UBE2W: variants seen among roughly 807,000 people sequenced by gnomAD.
UBE2W encodes ubiquitin conjugating enzyme E2 W.
UBE2W carries 18 observed loss-of-function variants against 27.2 expected under a neutral mutation model. That is an observed-to-expected ratio of 0.66 (90% CI 0.46 to 0.98). The LOEUF is 0.98. UBE2W is among the 50% of genes least tolerant of loss of function. The pLI is 0.00. For synonymous variants in UBE2W, 53 were observed against 57.2 expected (o/e 0.93, Z 0.33); for missense variants, 90 against 180.2 (o/e 0.50, Z 2.87).
intron 1 of UBE2W, among the ~76,000 whole-genome samples, chr8:73,877,272 G>T (rs1056328852): frequency 3.3e-5 from 5 of 151,938 alleles, no homozygotes; most frequent in African/African-American, 1.2e-4. Context: ...TTCCTTTTTT[G>T]GCCTCAAATG....
intron 1 of UBE2W, among the ~76,000 whole-genome samples, chr8:73,868,092 C>T (rs71500509): frequency 0.099 from 15,059 of 152,250 alleles, 796 homozygotes; most frequent in Middle Eastern, 0.17. Context: ...AATACCATGA[C>T]TGGTGGCTGG....
chr8:73,836,547 T>C (rs1810314496), intron 1 of UBE2W, among the ~76,000 whole-genome samples: 2 of 152,196 alleles, frequency 1.3e-5, no homozygotes, highest in African/African-American at 4.8e-5. Context: ...AAACTAGTTC[T>C]AAGTTTCCCA....
chr8:73,854,924 T>C (rs970254442), intron 1 of UBE2W, among the ~76,000 whole-genome samples: 1 of 152,148 alleles, frequency 6.6e-6, no homozygotes, highest in African/African-American at 2.4e-5. Context: ...GTTAAGAAAA[T>C]CGTAAGGAAG....
chr8:73,840,027 G>T (rs1003751396), intron 1 of UBE2W, among the ~76,000 whole-genome samples: 1 of 149,892 alleles, frequency 6.7e-6, no homozygotes, highest in Non-Finnish European at 1.5e-5. Context: ...TTGAGCCACC[G>T]TGCCTGGCCA....
rs1417868104 is a variant in UBE2W, at chr8:73,788,612, G to GT, written c.*5489dup. 21 of 985,266 alleles carry GT rather than the reference G, an allele frequency of 2.1e-5. No homozygotes were observed. The highest frequency in any genetic ancestry group is 2.5e-5 in the Non-Finnish European group (21 of 829,920). 61.0% of individuals were successfully genotyped at this position (985,266 alleles called of 1,614,324 possible). A position where few individuals can be genotyped will look rare whatever the true frequency, so the allele number is the denominator to read the frequency against. The stretch of plus-strand genomic sequence containing the variant: ...TATGGTAGATTTCAGGCTTTAAATT[G>GT]TAAGTTTCAGGCTTCAAAAGAGGCA... On this transcript the variant is annotated 3_prime_UTR_variant, in exon 6 of 6. Coordinates refer to ENST00000602593, the MANE Select transcript of UBE2W (RefSeq NM_018299.6).
At chr8:73,865,695 T>C (rs1048055683) in intron 1 of UBE2W, among the ~76,000 whole-genome samples, 1 of 152,238 alleles carries the variant, frequency 6.6e-6, no homozygotes, top group Non-Finnish European at 1.5e-5. Flanking sequence ...TAACAAGTTT[T>C]CTTTTATCAG....
chr8:73,821,817 A>G (rs971272833), intron 3 of UBE2W, among the ~76,000 whole-genome samples: 1 of 152,074 alleles, frequency 6.6e-6, no homozygotes, highest in South Asian at 2.1e-4. Flanking sequence ...TCTGGGCAAC[A>G]TGGCAAGACC....
chr8:73,797,384 A>G (rs1335618532), intron 5 of UBE2W, among the ~76,000 whole-genome samples: 7 of 152,202 alleles, frequency 4.6e-5, no homozygotes, highest in African/African-American at 1.7e-4. Context: ...TCTCTCAACA[A>G]TTTAGGGAAT....
At chr8:73,837,100 G>A (rs915788801) in intron 1 of UBE2W, among the ~76,000 whole-genome samples, 2 of 152,156 alleles carry the variant, frequency 1.3e-5, no homozygotes, top group African/African-American at 4.8e-5. Context: ...ATTGTAAGAT[G>A]CATCATCATT....
intron 1 of UBE2W, among the ~76,000 whole-genome samples, chr8:73,846,913 C>T (rs1025492349): frequency 1.3e-5 from 2 of 152,208 alleles, no homozygotes; most frequent in Non-Finnish European, 2.9e-5. Flanking sequence ...TGGCTCAAGC[C>T]TGTAATCCCA....
intron 1 of UBE2W, among the ~76,000 whole-genome samples, chr8:73,848,611 G>A (rs1810916896): frequency 6.6e-6 from 1 of 152,194 alleles, no homozygotes; most frequent in Non-Finnish European, 1.5e-5. Context: ...AGGAACACCT[G>A]AGCCTAGGAA....
intron 5 of UBE2W, 122 bp downstream of exon 5, chr8:73,805,529 C>A: frequency 4.2e-5 from 10 of 235,656 alleles, no homozygotes; most frequent in Admixed American, 7.3e-5. Flanking sequence ...AAAGAATTTT[C>A]TTCATATAAC....
At chr8:73,851,301 A>G (rs1811067522) in intron 1 of UBE2W, among the ~76,000 whole-genome samples, 1 of 152,032 alleles carries the variant, frequency 6.6e-6, no homozygotes, top group Non-Finnish European at 1.5e-5. Flanking sequence ...AAACTTCTGC[A>G]TATGTAAATA....
At chr8:73,830,286 A>T in intron 2 of UBE2W, 95 bp downstream of exon 2, 1 of 867,238 alleles carries the variant, frequency 1.2e-6, no homozygotes, top group Non-Finnish European at 1.9e-6. Context: ...TGAAAGAATG[A>T]AATGTGAAAA....
chr8:73,813,981 C>T (rs1041434335), intron 3 of UBE2W, among the ~76,000 whole-genome samples: 5 of 152,164 alleles, frequency 3.3e-5, no homozygotes, highest in African/African-American at 1.2e-4. Flanking sequence ...GATCCACCCA[C>T]CTCAGCCTCC....
At chr8:73,846,299 G>A (rs1400527070) in intron 1 of UBE2W, among the ~76,000 whole-genome samples, 10 of 152,166 alleles carry the variant, frequency 6.6e-5, no homozygotes, top group Admixed American at 1.3e-4. Flanking sequence ...AGGAGGCTGA[G>A]GCAGGAGAAT....
chr8:73,819,130 A>G (rs1271066628), intron 3 of UBE2W, among the ~76,000 whole-genome samples: 1 of 152,140 alleles, frequency 6.6e-6, no homozygotes, highest in East Asian at 1.9e-4. Context: ...ACTCCTGCAC[A>G]TCTTTCAGAT....
chr8:73,878,729 G>A (rs888531661), intron 1 of UBE2W, 79 bp downstream of exon 1: 11 of 1,317,336 alleles, frequency 8.4e-6, no homozygotes, highest in African/African-American at 7.4e-5. Context: ...TCCCCGAATC[G>A]CGGACGCCAC....
intron 1 of UBE2W, among the ~76,000 whole-genome samples, chr8:73,861,569 A>C (rs1811534515): frequency 6.6e-6 from 1 of 152,106 alleles, no homozygotes; most frequent in Non-Finnish European, 1.5e-5. Flanking sequence ...TGGCCTCCCA[A>C]AGTGCTGAGA....
Sources: allele counts gnomAD v4.1 joint callset (sites outside exome capture counted in the v4.1 genomes callset), GRCh38; gene constraint gnomAD v4.1.1; transcripts MANE v1.5; gene names NCBI Gene and HGNC (gene_info 2026-07-23, HGNC 2026-07-21).